KDM1B: variants seen among roughly 807,000 people sequenced by gnomAD.
KDM1B encodes lysine demethylase 1B, also known as lysine-specific histone demethylase 2.
Under a neutral mutation model 107.4 loss-of-function variants are expected in KDM1B, and 63 were observed. That is an observed-to-expected ratio of 0.59 (90% CI 0.48 to 0.72). The LOEUF (loss-of-function observed/expected upper bound fraction) is 0.72. KDM1B is among the 30% of genes least tolerant of loss of function. The pLI, the probability that KDM1B is intolerant of heterozygous loss-of-function variation, is 0.00. For synonymous variants in KDM1B, 363 were observed against 363.9 expected (o/e 1.00, Z 0.03); for missense variants, 749 against 1,020.8 (o/e 0.73, Z 3.63).
intron 21 of KDM1B, among the ~76,000 whole-genome samples, chr6:18,219,777 C>T (rs1789536631): frequency 6.6e-6 from 1 of 152,168 alleles, no homozygotes; most frequent in Non-Finnish European, 1.5e-5. Context: ...AACCAGTGGC[C>T]GGATTCCCAA....
chr6:18,178,671 G>A (rs1325391738), intron 7 of KDM1B, among the ~76,000 whole-genome samples: 2 of 152,192 alleles, frequency 1.3e-5, no homozygotes, highest in African/African-American at 4.8e-5. Flanking sequence ...GATTATAGGT[G>A]TGAGCCACTG....
At position 18,222,135 on chromosome 6, in the gene KDM1B, C is replaced by A. The variant is rs751280641; in HGVS notation, c.*143C>A. 5.1e-6 allele frequency: 4 copies of A among 776,982 alleles called. No individual in the cohort carries two copies. In the South Asian group the frequency reaches 5.8e-5, roughly 11 times the overall value. The allele number at this position is 776,982 out of a possible 1,614,324, so 48.1% of individuals were successfully genotyped here. A position where few individuals can be genotyped will look rare whatever the true frequency, so the allele number is the denominator to read the frequency against. ...TTCTAAGGCGATATGATAATGCAAA[C>A]CTATTTCATCACTCTAAAAGCACTG... On this transcript the variant is annotated 3_prime_UTR_variant, in exon 22 of 22. Coordinates refer to ENST00000650836, the MANE Select transcript of KDM1B (RefSeq NM_001364614.2).
rs2151070409 is a variant in KDM1B at position 18,223,190 on chromosome 6, A to G, written c.*1198A>G. 1 of 152,718 alleles carries G rather than the reference A, an allele frequency of 6.5e-6. No individual in the cohort carries two copies. Among genetic ancestry groups the G allele is most frequent in the East Asian group, 1.9e-4 (1 of 5,190 alleles). 9.5% of individuals were successfully genotyped at this position (152,718 alleles called of 1,614,324 possible). On this transcript the variant is annotated 3_prime_UTR_variant, in exon 22 of 22. Transcript: ENST00000650836. ...GAACAATAATATACTGGTTTGCTTTAAAGAAGGGACTAAATATGACTTTAA... is the reference window on the plus strand; with the variant it reads ...GAACAATAATATACTGGTTTGCTTTGAAGAAGGGACTAAATATGACTTTAA...
intron 9 of KDM1B, among the ~76,000 whole-genome samples, chr6:18,190,066 C>G (rs1787171239): frequency 6.6e-6 from 1 of 152,026 alleles, no homozygotes; most frequent in African/African-American, 2.4e-5. Flanking sequence ...AGGAGAATCA[C>G]TTGAACCTGG....
chr6:18,181,233 T>C (rs1786451944), intron 7 of KDM1B, among the ~76,000 whole-genome samples: 1 of 152,174 alleles, frequency 6.6e-6, no homozygotes, highest in Non-Finnish European at 1.5e-5. Flanking sequence ...AGAGTATCTA[T>C]ATAGTGTACC....
rs1475734671 is a variant in KDM1B at position 18,200,139 on chromosome 6, G to A, written c.1222-300G>A. 6.6e-6 allele frequency among the ~76,000 whole-genome samples: 1 copy of A among 152,202 alleles called. No homozygotes were observed. The highest frequency in any genetic ancestry group is 1.5e-5 in the Non-Finnish European group (1 of 68,038). On this transcript the variant is annotated intron_variant, in intron 12 of 21. Coordinates refer to ENST00000650836, the MANE Select transcript of KDM1B (RefSeq NM_001364614.2). The surrounding 1 kb of genome is among the most constrained non-coding windows in gnomAD (Gnocchi z 4.3). ...TCCTCCTGCCTCGGCCTCCCAAAGTGCTGGTATTACAGGCATGAGCTATCG... is the reference window on the plus strand; with the variant it reads ...TCCTCCTGCCTCGGCCTCCCAAAGTACTGGTATTACAGGCATGAGCTATCG...
Position 18,222,698 on chromosome 6 carries a change from C to G in KDM1B, c.*706C>G, listed in dbSNP as rs887997049. The stretch of plus-strand genomic sequence containing the variant: ...GTATTGTATCATTGAGAATGCAGCA[C>G]AGATAGTGTGGGCTTCACACTATAG... On this transcript the variant is annotated 3_prime_UTR_variant, in exon 22 of 22. Transcript: ENST00000650836. 1.9e-5 allele frequency: 3 copies of G among 154,688 alleles called. No individual in the cohort carries two copies. The highest frequency in any genetic ancestry group is 7.2e-5 in the African/African-American group (3 of 41,442). 9.6% of individuals were successfully genotyped at this position (154,688 alleles called of 1,614,324 possible).
rs574891620 is a variant in KDM1B at position 18,210,443 on chromosome 6, G to A, written c.1867-2045G>A. Among the ~76,000 whole-genome samples the A allele has an allele frequency of 1.5e-4, 21 of 139,410 alleles. No individual in the cohort carries two copies. The South Asian group carries it at 2.3e-3, about 15-fold the overall frequency. The allele number at this position is 139,410 out of a possible 152,430, so 91.5% of individuals were successfully genotyped here. A position where few individuals can be genotyped will look rare whatever the true frequency, so the allele number is the denominator to read the frequency against. The stretch of plus-strand genomic sequence containing the variant: ...GCAGCTTGTAGCTCACAGCAGCCTC[G>A]AACTCCTGGGCTTGAGCAGTGCTCC... On this transcript the variant is annotated intron_variant, in intron 17 of 21. Transcript: ENST00000650836.
At chr6:18,217,230 A>G (rs1232594712) in intron 20 of KDM1B, among the ~76,000 whole-genome samples, 1 of 152,178 alleles carries the variant, frequency 6.6e-6, no homozygotes, top group Non-Finnish European at 1.5e-5. Context: ...GAAAGAGAGG[A>G]TAAGACACAA....
chr6:18,182,967 T>C (rs1786577722), intron 7 of KDM1B, among the ~76,000 whole-genome samples: 1 of 152,262 alleles, frequency 6.6e-6, no homozygotes, highest in African/African-American at 2.4e-5. Context: ...AAAAGCTTTC[T>C]ATCTGTGCTA....
At position 18,189,204 on chromosome 6, in the gene KDM1B, G is replaced by T. The variant is rs1228501130; in HGVS notation, c.784+1202G>T. Among the ~76,000 whole-genome samples, 4 of 152,162 alleles carry T rather than the reference G, an allele frequency of 2.6e-5. No individual in the cohort carries two copies. The East Asian group carries it at 5.8e-4, about 22-fold the overall frequency. ...AATGGCATTTTTGATTATGCAAATA[G>T]ATTTTTGCACTGTGGTCCTATCTTA... On this transcript the variant is annotated intron_variant, in intron 9 of 21. Transcript: ENST00000650836.
At chr6:18,163,508 A>G (rs1785100918) in intron 5 of KDM1B, among the ~76,000 whole-genome samples, 1 of 152,170 alleles carries the variant, frequency 6.6e-6, no homozygotes, top group South Asian at 2.1e-4. Context: ...TTCATAAATT[A>G]GTAGCTTCAA....
chr6:18,170,622 A>G (rs1785592616), intron 6 of KDM1B, among the ~76,000 whole-genome samples: 1 of 151,854 alleles, frequency 6.6e-6, no homozygotes, highest in African/African-American at 2.4e-5. Flanking sequence ...CTGGGACTAC[A>G]GGCATGCACC....
At chr6:18,194,986 C>G (rs1787547688) in intron 10 of KDM1B, among the ~76,000 whole-genome samples, 1 of 152,234 alleles carries the variant, frequency 6.6e-6, no homozygotes, top group Non-Finnish European at 1.5e-5. Context: ...CGAATCTACT[C>G]TCTATCTGTA....
In KDM1B at chr6:18,218,877, T is replaced by A. The variant is rs576423068; in HGVS notation, c.2385+992T>A. 4.6e-5 allele frequency among the ~76,000 whole-genome samples: 7 copies of A among 152,030 alleles called. No homozygotes were observed. In the South Asian group the frequency reaches 1.2e-3, roughly 27 times the overall value. ...CTCCTGGGTCTCTCTAATTTAAATT[T>A]AATTTAATTTAATTATTTTATTTTA... On this transcript the variant is annotated intron_variant, in intron 21 of 21. Coordinates refer to ENST00000650836, the MANE Select transcript of KDM1B (RefSeq NM_001364614.2).
Position 18,201,750 on chromosome 6 carries a change from T to G in KDM1B, c.1531+93T>G. ...GGCATTGTTCATTTGCGAGGTCGGA[T>G]GTCGGCAACAGGGTAGCCCTCCTGA... On this transcript the variant is annotated intron_variant, in intron 14 of 21. Coordinates refer to ENST00000650836, the MANE Select transcript of KDM1B (RefSeq NM_001364614.2). The surrounding 1 kb of genome is among the most constrained non-coding windows in gnomAD (Gnocchi z 4.3). The G allele has an allele frequency of 1.8e-6, 2 of 1,087,718 alleles. No individual in the cohort carries two copies. Among genetic ancestry groups the G allele is most frequent in the Non-Finnish European group, 2.6e-6 (2 of 764,062 alleles). 67.4% of individuals were successfully genotyped at this position (1,087,718 alleles called of 1,614,324 possible).
chr6:18,171,021 C>T (rs182865308), intron 6 of KDM1B, among the ~76,000 whole-genome samples: 15 of 151,996 alleles, frequency 9.9e-5, no homozygotes, highest in East Asian at 1.9e-4. Flanking sequence ...GGGGTTTCAC[C>T]GTGTTAGCCA....
Position 18,222,466 on chromosome 6 carries a change from T to TCTG in KDM1B, c.*474_*475insCTG. The TCTG allele has an allele frequency of 4.6e-6, 1 of 216,930 alleles. No homozygotes were observed. Among genetic ancestry groups the TCTG allele is most frequent in the Admixed American group, 5.4e-5 (1 of 18,526 alleles). 13.4% of individuals were successfully genotyped at this position (216,930 alleles called of 1,614,324 possible). ...CCTTAATTTTTATATAGGTCCAATATTGAGCTTTTACTTAAAATTTAGATA... is the reference window on the plus strand; with the variant it reads ...CCTTAATTTTTATATAGGTCCAATATCTGTGAGCTTTTACTTAAAATTTAGATA... On this transcript the variant is annotated 3_prime_UTR_variant, in exon 22 of 22. Coordinates refer to ENST00000650836, the MANE Select transcript of KDM1B (RefSeq NM_001364614.2).
Position 18,167,566 on chromosome 6 carries a change from C to T in KDM1B, c.417+1188C>T, listed in dbSNP as rs1007388775. Among the ~76,000 whole-genome samples, 8 of 151,870 alleles carry T rather than the reference C, an allele frequency of 5.3e-5. No individual in the cohort carries two copies. In the East Asian group the frequency reaches 7.9e-4, roughly 15 times the overall value. Reference sequence around the variant, plus strand: ...TTAGCTCACTACAACCTCCACCTCCCGGGCTCAAGCGATTCTCCCACCTCA... The same window carrying T: ...TTAGCTCACTACAACCTCCACCTCCTGGGCTCAAGCGATTCTCCCACCTCA... On this transcript the variant is annotated intron_variant, in intron 6 of 21. Coordinates refer to ENST00000650836, the MANE Select transcript of KDM1B (RefSeq NM_001364614.2).
Sources: gnomAD v4.1 joint callset for allele counts (sites outside exome capture counted in the v4.1 genomes callset) on GRCh38, gnomAD v4.1.1 for gene constraint, Gnocchi (gnomAD v3.1) non-coding constraint, MANE v1.5 for transcripts, NCBI Gene and HGNC (gene_info 2026-07-23, HGNC 2026-07-21) for gene names.